The following FER variants were observed in gnomAD, a reference collection of about 807,000 sequenced individuals.
The protein encoded by FER is tyrosine-protein kinase Fer.
A neutral mutation model predicts 111.0 loss-of-function variants in FER; 63 were observed. The observed-to-expected ratio is 0.57, with a 90% CI of 0.46 to 0.70. The LOEUF is 0.70. FER is among the 30% of genes least tolerant of loss of function. The pLI is 0.00. For missense variants in FER, 914 were observed against 954.0 expected (o/e 0.96, Z 0.55); for synonymous variants, 327 against 313.9 (o/e 1.04, Z -0.44).
chr5:108,858,226 A>G (rs906230524), intron 5 of FER, among the ~76,000 whole-genome samples: 1 of 152,094 alleles, frequency 6.6e-6, no homozygotes, highest in Admixed American at 6.6e-5. Context: ...TATATTTGCA[A>G]CTGCTTTCTC....
rs761525334 is a variant in FER, at chr5:108,808,123, T to A, written c.207+9734T>A. Among the ~76,000 whole-genome samples the A allele has an allele frequency of 3.9e-5, 6 of 152,222 alleles. No homozygotes were observed. The South Asian group carries it at 1.0e-3, about 26-fold the overall frequency. ...ATGATACATGGAATATTTCCTAGAT[T>A]TCTATTAGATCCAGTTGGTCAAGTG... is the stretch of plus-strand genomic sequence containing the variant. On this transcript the variant is annotated intron_variant, in intron 3 of 19. Transcript: ENST00000281092.
At chr5:109,139,872 A>G (rs994912533) in intron 17 of FER, among the ~76,000 whole-genome samples, 1 of 152,142 alleles carries the variant, frequency 6.6e-6, no homozygotes, top group African/African-American at 2.4e-5. Context: ...CAGGATCTAC[A>G]CCGTGCTAGA....
At chr5:108,998,435 G>A (rs577455947) in intron 13 of FER, among the ~76,000 whole-genome samples, 3 of 152,080 alleles carry the variant, frequency 2.0e-5, no homozygotes, top group Non-Finnish European at 4.4e-5. Context: ...TCCTGGGTGA[G>A]GCGACATCCC....
At chr5:108,993,384 C>G (rs923899539) in intron 13 of FER, among the ~76,000 whole-genome samples, 1 of 152,212 alleles carries the variant, frequency 6.6e-6, no homozygotes, top group Admixed American at 6.5e-5. Flanking sequence ...CAAAAAAATA[C>G]GAAAACCAGT....
intron 14 of FER, among the ~76,000 whole-genome samples, chr5:109,042,066 G>C (rs192492328): frequency 6.6e-6 from 1 of 152,228 alleles, no homozygotes; most frequent in East Asian, 1.9e-4. Flanking sequence ...ATGATGATGG[G>C]CCATGAATTC....
intron 5 of FER, among the ~76,000 whole-genome samples, chr5:108,863,122 CT>C (rs1288148657): frequency 6.6e-6 from 1 of 151,034 alleles, no homozygotes; most frequent in Non-Finnish European, 1.5e-5. Flanking sequence ...TTGCACTGAC[CT>C]TTTTTTTTGT....
chr5:108,998,685 G>A (rs1458807774), intron 13 of FER, among the ~76,000 whole-genome samples: 3 of 152,000 alleles, frequency 2.0e-5, no homozygotes, highest in Non-Finnish European at 2.9e-5. Context: ...GCATTTTATC[G>A]AAGGCCTTTT....
At chr5:109,147,267 A>G (rs901643098) in intron 17 of FER, among the ~76,000 whole-genome samples, 2 of 152,132 alleles carry the variant, frequency 1.3e-5, no homozygotes, top group African/African-American at 4.8e-5. Context: ...GCAAGAATTT[A>G]AAAGAATGCT....
chr5:109,010,745 C>T (rs759111637), intron 13 of FER, among the ~76,000 whole-genome samples: 10 of 152,140 alleles, frequency 6.6e-5, no homozygotes, highest in Middle Eastern at 3.4e-3. Context: ...CTGATAAAGT[C>T]CTGCTGACTA....
At chr5:108,845,540 T>C (rs560512210) in intron 5 of FER, among the ~76,000 whole-genome samples, 2 of 152,274 alleles carry the variant, frequency 1.3e-5, no homozygotes, top group South Asian at 2.1e-4. Flanking sequence ...GATCATGTTA[T>C]CTATGTATAA....
At chr5:109,016,541 G>A (rs1350055091) in intron 13 of FER, among the ~76,000 whole-genome samples, 1 of 151,930 alleles carries the variant, frequency 6.6e-6, no homozygotes, top group Non-Finnish European at 1.5e-5. Flanking sequence ...GTACTTTTTT[G>A]TGTCTCTGAT....
At position 108,966,376 on chromosome 5, in the gene FER, C is replaced by T. The variant is rs372957114; in HGVS notation, c.1656+7029C>T. 2.0e-5 allele frequency among the ~76,000 whole-genome samples: 3 copies of T among 148,048 alleles called. No individual in the cohort carries two copies. The South Asian group carries it at 6.4e-4, about 32-fold the overall frequency. The stretch of plus-strand genomic sequence containing the variant: ...TCATTTTAAAGTATTTATTATACTT[C>T]CTTTTTCTTTTCTTTTTTTTTTTTT... On this transcript the variant is annotated intron_variant, in intron 13 of 19. Transcript: ENST00000281092.
intron 3 of FER, among the ~76,000 whole-genome samples, chr5:108,817,729 C>T (rs1758429305): frequency 6.6e-6 from 1 of 152,200 alleles, no homozygotes; most frequent in African/African-American, 2.4e-5. Context: ...TGATTTACCT[C>T]ACTACACAGC....
At chr5:109,117,636 A>G (rs1750411029) in intron 17 of FER, among the ~76,000 whole-genome samples, 1 of 152,062 alleles carries the variant, frequency 6.6e-6, no homozygotes, top group African/African-American at 2.4e-5. Flanking sequence ...CTTCCTACCC[A>G]TGAGCATGGA....
chr5:109,004,559 C>T (rs898036326), intron 13 of FER, among the ~76,000 whole-genome samples: 4 of 152,162 alleles, frequency 2.6e-5, no homozygotes, highest in African/African-American at 9.7e-5. Flanking sequence ...GGATTAATGT[C>T]ATGGTAATAT....
At chr5:109,156,102 A>T (rs1182990597) in intron 17 of FER, among the ~76,000 whole-genome samples, 4 of 152,074 alleles carry the variant, frequency 2.6e-5, no homozygotes, top group Non-Finnish European at 4.4e-5. Flanking sequence ...TGTATTTACT[A>T]AGGCTAAGAA....
intron 1 of FER, among the ~76,000 whole-genome samples, chr5:108,749,988 T>C (rs868233008): frequency 7.2e-5 from 11 of 152,212 alleles, no homozygotes; most frequent in African/African-American, 2.4e-4. Context: ...CCTTACATTT[T>C]TTTCCTTCGC....
intron 9 of FER, among the ~76,000 whole-genome samples, chr5:108,885,305 T>A (rs1193662504): frequency 6.6e-6 from 1 of 152,006 alleles, no homozygotes; most frequent in Non-Finnish European, 1.5e-5. Context: ...TCACTCTTAG[T>A]ATTCTTTATT....
chr5:108,772,073 A>G (rs915596991), intron 2 of FER, among the ~76,000 whole-genome samples: 4 of 152,068 alleles, frequency 2.6e-5, no homozygotes, highest in Non-Finnish European at 4.4e-5. Flanking sequence ...GTGACCTCAT[A>G]TGACAGGAGG....
Sources: allele counts gnomAD v4.1 joint callset (sites outside exome capture counted in the v4.1 genomes callset), GRCh38; gene constraint gnomAD v4.1.1; transcripts MANE v1.5; gene names NCBI Gene and HGNC (gene_info 2026-07-23, HGNC 2026-07-21).